ABCA13: variants seen among roughly 807,000 people sequenced by gnomAD.
ABCA13 encodes ATP-binding cassette sub-family A member 13.
Under a neutral mutation model 478.7 loss-of-function variants are expected in ABCA13, and 476 were observed. That is an observed-to-expected ratio of 0.99 (90% CI 0.92 to 1.07). ABCA13 has a LOEUF of 1.07. ABCA13 is among the 50% of genes least tolerant of loss of function. The pLI is 0.00. For missense variants in ABCA13, 6,060 were observed against 5,910.6 expected, an observed-to-expected ratio of 1.03 and a Z score of -0.83; for synonymous variants, 2,252 against 2,158.9, an observed-to-expected ratio of 1.04 and a Z score of -1.20.
chr7:48,329,067 G>A (rs1264100069), intron 27 of ABCA13, among the ~76,000 whole-genome samples: 1 of 152,164 alleles, frequency 6.6e-6, no homozygotes, highest in Non-Finnish European at 1.5e-5. Flanking sequence ...AACAGAGACT[G>A]GACATCAATA....
intron 55 of ABCA13, among the ~76,000 whole-genome samples, chr7:48,545,542 C>CAAA: frequency 6.6e-6 from 1 of 151,652 alleles, no homozygotes; most frequent in Non-Finnish European, 1.5e-5. Flanking sequence ...CAAGGATGGT[C>CAAA]TCACAGCTCA....
intron 15 of ABCA13, among the ~76,000 whole-genome samples, chr7:48,254,242 C>T (rs1268108159): frequency 6.6e-6 from 1 of 151,482 alleles, no homozygotes; most frequent in Non-Finnish European, 1.5e-5. Context: ...TTTTTTTCCC[C>T]AATTCCTATT....
chr7:48,557,320 C>T (rs753487829), intron 55 of ABCA13, among the ~76,000 whole-genome samples: 121 of 152,042 alleles, frequency 8.0e-4, no homozygotes, highest in Non-Finnish European at 2.5e-4. Flanking sequence ...TTTCTTATTG[C>T]TCATGAACAA....
intron 27 of ABCA13, among the ~76,000 whole-genome samples, chr7:48,322,684 C>T (rs565849137): frequency 7.9e-5 from 12 of 152,246 alleles, no homozygotes; most frequent in Non-Finnish European, 1.5e-4. Context: ...AGTATCTTCT[C>T]TCCTCAGGCA....
intron 55 of ABCA13, among the ~76,000 whole-genome samples, chr7:48,545,035 C>T (rs1279431679): frequency 6.6e-6 from 1 of 151,882 alleles, no homozygotes; most frequent in African/African-American, 2.4e-5. Flanking sequence ...GGTGTGAGAG[C>T]AGAGGAAAAA....
At chr7:48,430,672 T>TAAAA (rs36121642) in intron 42 of ABCA13, among the ~76,000 whole-genome samples, 1 of 122,800 alleles carries the variant, frequency 8.1e-6, no homozygotes, top group African/African-American at 3.1e-5. Context: ...AGACTCCGTC[T>TAAAA]AAAAAAAAAA....
intron 37 of ABCA13, among the ~76,000 whole-genome samples, chr7:48,391,265 G>A (rs1014252373): frequency 6.6e-6 from 1 of 152,102 alleles, no homozygotes; most frequent in African/African-American, 2.4e-5. Context: ...CATTTCTTTA[G>A]CATGTTTCCT....
intron 55 of ABCA13, among the ~76,000 whole-genome samples, chr7:48,533,823 G>C (rs1282821363): frequency 6.6e-6 from 1 of 151,830 alleles, no homozygotes; most frequent in African/African-American, 2.4e-5. Flanking sequence ...ACTCCAGCTT[G>C]CTTTTGGTGT....
intron 23 of ABCA13, among the ~76,000 whole-genome samples, chr7:48,300,384 T>C (rs1239794460): frequency 6.6e-6 from 1 of 152,220 alleles, no homozygotes; most frequent in Non-Finnish European, 1.5e-5. Context: ...AAGCCCGTGC[T>C]CCAAGGGAGC....
chr7:48,175,971 G>A (rs1794817422), intron 1 of ABCA13, among the ~76,000 whole-genome samples: 2 of 152,132 alleles, frequency 1.3e-5, no homozygotes, highest in Admixed American at 1.3e-4. Flanking sequence ...CAGTCTGTTT[G>A]GGTTCTCCCA....
intron 25 of ABCA13, among the ~76,000 whole-genome samples, chr7:48,313,439 G>T (rs1802071294): frequency 6.6e-6 from 1 of 152,168 alleles, no homozygotes; most frequent in Non-Finnish European, 1.5e-5. Context: ...AACTGATATT[G>T]TTGATCTACA....
intron 19 of ABCA13, among the ~76,000 whole-genome samples, chr7:48,281,727 G>C (rs1797073783): frequency 6.6e-6 from 1 of 152,082 alleles, no homozygotes; most frequent in African/African-American, 2.4e-5. Context: ...TTGTCTTCTT[G>C]ACCTAAACTA....
chr7:48,605,369 G>A (rs900267940), intron 58 of ABCA13, among the ~76,000 whole-genome samples: 7 of 152,216 alleles, frequency 4.6e-5, no homozygotes, highest in Admixed American at 1.3e-4. Flanking sequence ...GCTGATACCA[G>A]TTGTTCCTTT....
intron 31 of ABCA13, among the ~76,000 whole-genome samples, chr7:48,361,710 A>G (rs547381238): frequency 2.0e-5 from 3 of 151,758 alleles, no homozygotes; most frequent in East Asian, 3.9e-4. Context: ...CTTATATCCC[A>G]TAGATCTCAT....
chr7:48,350,668 C>A lies in ABCA13; in HGVS notation c.10230C>A (p.Asn3410Lys), dbSNP rs781106297. 3 of 1,613,600 alleles carry A rather than the reference C, an allele frequency of 1.9e-6. No individual in the cohort carries two copies. Among genetic ancestry groups the A allele is most frequent in the Non-Finnish European group, 2.5e-6 (3 of 1,179,674 alleles). Residue 3410 changes from asparagine (N) to lysine (K), a missense_variant, in exon 30 of 62, where the codon AAC (asparagine) becomes AAA (lysine). By Grantham distance (94) the Asn-to-Lys change is moderately conservative. This residue lies in a region of ABCA13 where 4,423 missense variants were observed against 4,309.1 expected (regional missense o/e 1.03). Transcript: ENST00000435803. ...TYGGLLDEMF[N>K]HAGAGRFRFL... ...GAGGGCTGCTGGATGAGATGTTTAA[C>A]CATGCAGGCGCTGGACGCTTCCGTT...
chr7:48,508,422 G>A (rs1242908966), intron 50 of ABCA13, among the ~76,000 whole-genome samples: 1 of 152,112 alleles, frequency 6.6e-6, no homozygotes, highest in Non-Finnish European at 1.5e-5. Flanking sequence ...ACCCCCTCCT[G>A]TGAGACCTGT....
chr7:48,225,106 TGC>T, intron 5 of ABCA13, among the ~76,000 whole-genome samples: 1 of 128,304 alleles, frequency 7.8e-6, no homozygotes. Flanking sequence ...TCACCATGCG[TGC>T]GTGCCTGCCT....
In ABCA13 at chr7:48,374,410, G is replaced by A. The variant is rs537837297; in HGVS notation, c.11197G>A (p.Glu3733Lys). ...TTTTATTACATTCCTGGAAGGACAA[G>A]AGACAGGTAAGAGCATGCATGTGTA... ...VFFITFLEGQETGIQWNNMYQ... is the reference protein window; with the variant it reads ...VFFITFLEGQKTGIQWNNMYQ... The change falls in exon 34 of 62, where the codon GAG becomes AAG. Residue 3733 changes from glutamate (E) to lysine (K), a missense_variant. Around this residue, in one of 3 missense-constraint regions of ABCA13, gnomAD observed 4,423 missense variants for 4,309.1 expected, o/e 1.03. Transcript: ENST00000435803. 49 of 1,608,776 alleles carry A rather than the reference G, an allele frequency of 3.0e-5. No homozygotes were observed. In the East Asian group the frequency reaches 6.9e-4, roughly 23 times the overall value.
chr7:48,249,447 G>T, intron 15 of ABCA13, 96 bp downstream of exon 15: 3 of 1,523,392 alleles, frequency 2.0e-6, no homozygotes, highest in Middle Eastern at 1.7e-4. Flanking sequence ...TAACAAAGCG[G>T]GGCTTAAAAT....
Sources: gnomAD v4.1 joint callset for allele counts (sites outside exome capture counted in the v4.1 genomes callset) on GRCh38, gnomAD v4.1.1 for gene constraint, gnomAD v4.1.1 regional missense constraint, MANE v1.5 for transcripts, NCBI Gene and HGNC (gene_info 2026-07-23, HGNC 2026-07-21) for gene names.